The following UNC5D variants were observed in gnomAD, a reference collection of about 807,000 sequenced individuals.
UNC5D encodes netrin receptor UNC5D.
Under a neutral mutation model 105.4 loss-of-function variants are expected in UNC5D, and 39 were observed. The observed-to-expected ratio is 0.37, with a 90% CI of 0.29 to 0.48. UNC5D has a LOEUF of 0.48. Ranked by LOEUF, UNC5D falls within the 20% of genes least tolerant of loss-of-function variation. UNC5D has a pLI of 0.98. For missense variants in UNC5D, 991 were observed against 1,202.4 expected (o/e 0.82, Z 2.60); for synonymous variants, 452 against 450.4 (o/e 1.00, Z -0.04).
At chr8:35,242,192 A>G (rs2128802001) in intron 1 of UNC5D, among the ~76,000 whole-genome samples, 1 of 152,330 alleles carries the variant, frequency 6.6e-6, no homozygotes, top group Middle Eastern at 3.4e-3. Flanking sequence ...CACAGGTGGG[A>G]AAATATCACT....
chr8:35,533,648 C>A (rs906099886), intron 1 of UNC5D, among the ~76,000 whole-genome samples: 3 of 152,196 alleles, frequency 2.0e-5, no homozygotes, highest in African/African-American at 7.2e-5. Flanking sequence ...CCCCCAGCCT[C>A]GCTGCCACCT....
chr8:35,415,434 T>A (rs1213234384), intron 1 of UNC5D, among the ~76,000 whole-genome samples: 1 of 152,176 alleles, frequency 6.6e-6, no homozygotes, highest in Non-Finnish European at 1.5e-5. Flanking sequence ...TTATTTAAAA[T>A]CTATTCAGAG....
intron 1 of UNC5D, among the ~76,000 whole-genome samples, chr8:35,336,230 T>C (rs1048152275): frequency 1.3e-5 from 2 of 152,188 alleles, no homozygotes; most frequent in African/African-American, 4.8e-5. Context: ...TGGTGCATTG[T>C]AATCTCTAGA....
chr8:35,411,840 A>C (rs973821089), intron 1 of UNC5D, among the ~76,000 whole-genome samples: 3 of 151,914 alleles, frequency 2.0e-5, no homozygotes, highest in Non-Finnish European at 4.4e-5. Context: ...TCCTTGCCAT[A>C]TTATATTTTT....
chr8:35,725,402 T>C (rs1021919959), intron 9 of UNC5D, among the ~76,000 whole-genome samples: 2 of 152,154 alleles, frequency 1.3e-5, no homozygotes, highest in South Asian at 2.1e-4. Flanking sequence ...CAATTTCTCA[T>C]GTTTTTGCAA....
chr8:35,299,182 A>G (rs935166251), intron 1 of UNC5D, among the ~76,000 whole-genome samples: 1 of 152,200 alleles, frequency 6.6e-6, no homozygotes, highest in African/African-American at 2.4e-5. Flanking sequence ...TGAAGGACCA[A>G]TTGGAATAAG....
rs1426150441 is a variant in UNC5D at position 35,510,421 on chromosome 8, G to A, written c.104-38871G>A. ...TGTATTTCACAGTATCACACACATC[G>A]TTGCCTATGTTGAAATAGATATTAT... On this transcript the variant is annotated intron_variant, in intron 1 of 16. Transcript: ENST00000404895. 3.3e-5 allele frequency among the ~76,000 whole-genome samples: 5 copies of A among 151,500 alleles called. No homozygotes were observed. The East Asian group carries it at 5.8e-4, about 18-fold the overall frequency.
chr8:35,291,969 C>A (rs997415877), intron 1 of UNC5D, among the ~76,000 whole-genome samples: 3 of 152,186 alleles, frequency 2.0e-5, no homozygotes, highest in African/African-American at 7.2e-5. Context: ...ATTCGTTATC[C>A]ATGAACATTC....
chr8:35,449,659 T>C (rs971826642), intron 1 of UNC5D, among the ~76,000 whole-genome samples: 1 of 152,256 alleles, frequency 6.6e-6, no homozygotes. Flanking sequence ...TGTCATCCTG[T>C]TGTCATTATT....
At chr8:35,413,895 T>C (rs558329682) in intron 1 of UNC5D, among the ~76,000 whole-genome samples, 2 of 152,214 alleles carry the variant, frequency 1.3e-5, no homozygotes, top group South Asian at 4.1e-4. Context: ...TTATAGAGTA[T>C]GGATGCTACA....
rs549133885 is a variant in UNC5D at position 35,300,379 on chromosome 8, G to A, written c.103+64492G>A. On this transcript the variant is annotated intron_variant, in intron 1 of 16. Transcript: ENST00000404895. ...GGAGAATCACTTGAACCCGGGAGGTGGAGGTTGCAGTGAGCTGAGATTGTG... is the reference window on the plus strand; with the variant it reads ...GGAGAATCACTTGAACCCGGGAGGTAGAGGTTGCAGTGAGCTGAGATTGTG... Among the ~76,000 whole-genome samples, 584 of 144,782 alleles carry A rather than the reference G, an allele frequency of 4.0e-3. 2 individuals are homozygous for A. The highest frequency in any genetic ancestry group is 6.3e-3 in the Non-Finnish European group (417 of 66,662). 95.0% of individuals were successfully genotyped at this position (144,782 alleles called of 152,430 possible). A position where few individuals can be genotyped will look rare whatever the true frequency, so the allele number is the denominator to read the frequency against.
At chr8:35,425,968 A>G (rs1377411600) in intron 1 of UNC5D, among the ~76,000 whole-genome samples, 1 of 152,164 alleles carries the variant, frequency 6.6e-6, no homozygotes, top group African/African-American at 2.4e-5. Flanking sequence ...CGTCCTTTTT[A>G]GTAGCCTGAC....
intron 1 of UNC5D, 44 bp from the exon 2 acceptor site, chr8:35,549,248 C>T: frequency 6.3e-7 from 1 of 1,589,156 alleles, no homozygotes. Context: ...GGTGTATGTG[C>T]TATCAATGTA....
chr8:35,423,852 C>CTTT (rs200270722), intron 1 of UNC5D, among the ~76,000 whole-genome samples: 2 of 135,112 alleles, frequency 1.5e-5, no homozygotes, highest in African/African-American at 2.7e-5. Context: ...ATAAGGAGTA[C>CTTT]TTTTTTTTTT....
At chr8:35,681,651 C>T (rs1336202033) in intron 4 of UNC5D, among the ~76,000 whole-genome samples, 1 of 152,152 alleles carries the variant, frequency 6.6e-6, no homozygotes, top group South Asian at 2.1e-4. Context: ...CATCAGGAAC[C>T]CTGGGATTTG....
At chr8:35,676,834 G>A (rs1259759913) in intron 4 of UNC5D, among the ~76,000 whole-genome samples, 1 of 152,050 alleles carries the variant, frequency 6.6e-6, no homozygotes, top group African/African-American at 2.4e-5. Flanking sequence ...CATTCACCAG[G>A]GGTCGGAAGT....
chr8:35,607,256 T>C (rs1019456561), intron 4 of UNC5D, among the ~76,000 whole-genome samples: 2 of 152,210 alleles, frequency 1.3e-5, no homozygotes, highest in Non-Finnish European at 2.9e-5. Flanking sequence ...ATCTACCTTT[T>C]CTGACACATT....
At chr8:35,774,250 G>T in intron 15 of UNC5D, 49 bp from the exon 16 acceptor site, 1 of 1,604,564 alleles carries the variant, frequency 6.2e-7, no homozygotes, top group Non-Finnish European at 8.5e-7. Flanking sequence ...GTGTTGGTCA[G>T]GACTGCTTTC....
rs140884418 is a variant in UNC5D, at chr8:35,446,758, A to G, written c.104-102534A>G. 4.7e-3 allele frequency among the ~76,000 whole-genome samples: 717 copies of G among 152,190 alleles called. 5 individuals carry two copies. The highest frequency in any genetic ancestry group is 6.8e-3 in the Middle Eastern group (2 of 294). On this transcript the variant is annotated intron_variant, in intron 1 of 16. Coordinates refer to ENST00000404895, the MANE Select transcript of UNC5D (RefSeq NM_080872.4). ...ATCTTTCACCTCATAGAGAAAATCCAGTTTGTTGCCCATACCCACACTTTA... is the reference window on the plus strand; with the variant it reads ...ATCTTTCACCTCATAGAGAAAATCCGGTTTGTTGCCCATACCCACACTTTA...
Sources: gnomAD v4.1 joint callset for allele counts (sites outside exome capture counted in the v4.1 genomes callset) on GRCh38, gnomAD v4.1.1 for gene constraint, MANE v1.5 for transcripts, NCBI Gene and HGNC (gene_info 2026-07-23, HGNC 2026-07-21) for gene names.